FHIT: variants seen among roughly 807,000 people sequenced by gnomAD.
FHIT encodes bis(5'-adenosyl)-triphosphatase.
A neutral mutation model predicts 17.9 loss-of-function variants in FHIT; 19 were observed. The observed-to-expected ratio is 1.06, with a 90% CI of 0.74 to 1.56. The LOEUF (loss-of-function observed/expected upper bound fraction) is 1.56. Among genes scored for constraint, FHIT ranks in the 40% most tolerant of loss-of-function variants. FHIT has a pLI of 0.00. For missense variants in FHIT, 248 were observed against 189.2 expected (o/e 1.31, Z -1.82); for synonymous variants, 81 against 69.7 (o/e 1.16, Z -0.81).
At chr3:60,177,069 A>T (rs1701709631) in intron 5 of FHIT, among the ~76,000 whole-genome samples, 1 of 152,158 alleles carries the variant, frequency 6.6e-6, no homozygotes, top group Admixed American at 6.5e-5. Context: ...GGTGAAAATG[A>T]TGAAAAATCT....
chr3:60,401,943 A>T (rs1701674437), intron 5 of FHIT, among the ~76,000 whole-genome samples: 1 of 152,120 alleles, frequency 6.6e-6, no homozygotes, highest in Non-Finnish European at 1.5e-5. Context: ...CTTTCATTTC[A>T]TGCGTAATTA....
At chr3:60,168,796 G>A (rs543819513) in intron 5 of FHIT, among the ~76,000 whole-genome samples, 3 of 152,138 alleles carry the variant, frequency 2.0e-5, no homozygotes, top group Non-Finnish European at 4.4e-5. Flanking sequence ...GATTATTTTT[G>A]TAACGATTGA....
chr3:59,974,249 T>C (rs1364495697), intron 7 of FHIT, among the ~76,000 whole-genome samples: 1 of 152,062 alleles, frequency 6.6e-6, no homozygotes, highest in Non-Finnish European at 1.5e-5. Context: ...GAAGGAAGAA[T>C]AATAAAAGAA....
intron 4 of FHIT, among the ~76,000 whole-genome samples, chr3:60,571,476 A>C (rs573187960): frequency 6.6e-6 from 1 of 152,170 alleles, no homozygotes; most frequent in East Asian, 1.9e-4. Flanking sequence ...GATTATACAG[A>C]AGTCTTTAGG....
At chr3:61,150,669 T>G (rs1437329671) in intron 2 of FHIT, among the ~76,000 whole-genome samples, 1 of 152,234 alleles carries the variant, frequency 6.6e-6, no homozygotes, top group East Asian at 1.9e-4. Flanking sequence ...TAATTTTCAC[T>G]GAATTTTTCA....
chr3:60,637,532 A>G (rs2107785085), intron 4 of FHIT, among the ~76,000 whole-genome samples: 1 of 152,278 alleles, frequency 6.6e-6, no homozygotes, highest in African/African-American at 2.4e-5. Context: ...ATGAACTGCT[A>G]CCATCACTAC....
intron 5 of FHIT, among the ~76,000 whole-genome samples, chr3:60,515,037 G>A (rs893183264): frequency 2.6e-5 from 4 of 151,822 alleles, no homozygotes; most frequent in Admixed American, 6.6e-5. Flanking sequence ...AGTGACCTCC[G>A]ACAGACAAGG....
chr3:60,618,759 A>C (rs1553676976), intron 4 of FHIT, among the ~76,000 whole-genome samples: 1 of 152,198 alleles, frequency 6.6e-6, no homozygotes, highest in Non-Finnish European at 1.5e-5. Flanking sequence ...AGTGGACCTA[A>C]TATAATGCTA....
At chr3:60,360,086 G>A (rs986888095) in intron 5 of FHIT, among the ~76,000 whole-genome samples, 2 of 150,960 alleles carry the variant, frequency 1.3e-5, no homozygotes, top group Non-Finnish European at 2.9e-5. Context: ...TCCCCATTAG[G>A]TGCATCTACC....
intron 5 of FHIT, among the ~76,000 whole-genome samples, chr3:60,478,039 A>G (rs1170327300): frequency 6.6e-6 from 1 of 152,180 alleles, no homozygotes; most frequent in Non-Finnish European, 1.5e-5. Flanking sequence ...AATTGCAACA[A>G]AAGTACTAAC....
chr3:61,179,008 C>CTTTTTTTTTTTTTTTTTTTTTTT (rs778191387), intron 2 of FHIT, among the ~76,000 whole-genome samples: 1 of 127,628 alleles, frequency 7.8e-6, no homozygotes, highest in African/African-American at 3.1e-5. Flanking sequence ...TTTTCTTTTT[C>CTTTTTTTTTTTTTTTTTTTTTTT]TTTTTTTTTT....
rs149511593 is a variant in FHIT at position 59,791,403 on chromosome 3, C to T, written c.349-39082G>A. Among the ~76,000 whole-genome samples, 335 of 152,280 alleles carry T rather than the reference C, an allele frequency of 2.2e-3. 8 individuals are homozygous for T. In the East Asian group the frequency reaches 0.051, roughly 23 times the overall value. On this transcript the variant is annotated intron_variant, in intron 8 of 9. Transcript: ENST00000492590. The stretch of plus-strand genomic sequence containing the variant: ...CCTCCGGCTGCTGGTGTTCGCATTA[C>T]CTTCCCTGAGGAGAGGTTGCCTGAG...
rs191002523 is a variant in FHIT, at chr3:61,118,115, G to C, written c.-163-76016C>G. 1.5e-3 allele frequency among the ~76,000 whole-genome samples: 222 copies of C among 152,232 alleles called. 1 individual carries two copies. The highest frequency in any genetic ancestry group is 2.3e-3 in the Non-Finnish European group (154 of 68,016). ...TGTTCCAAAGGTCTTTCAAAATAATGTTGTAGTATAATTTGGTTTGAAAGC... is the reference window on the plus strand; with the variant it reads ...TGTTCCAAAGGTCTTTCAAAATAATCTTGTAGTATAATTTGGTTTGAAAGC... On this transcript the variant is annotated intron_variant, in intron 2 of 9. Coordinates refer to ENST00000492590, the MANE Select transcript of FHIT (RefSeq NM_002012.4).
intron 4 of FHIT, among the ~76,000 whole-genome samples, chr3:60,714,097 G>C (rs1262475056): frequency 2.5e-4 from 38 of 152,182 alleles, no homozygotes; most frequent in African/African-American, 8.4e-4. Context: ...GAGCAGGTGG[G>C]CTTCATCCCT....
At chr3:61,093,482 C>G (rs1559975693) in intron 2 of FHIT, among the ~76,000 whole-genome samples, 3 of 151,936 alleles carry the variant, frequency 2.0e-5, no homozygotes, top group Non-Finnish European at 4.4e-5. Flanking sequence ...ATTATCCAAG[C>G]CAAAATGCCA....
intron 8 of FHIT, among the ~76,000 whole-genome samples, chr3:59,806,876 C>A (rs1700226246): frequency 6.6e-6 from 1 of 152,052 alleles, no homozygotes; most frequent in African/African-American, 2.4e-5. Context: ...GTGTAGTCCT[C>A]ATATCAAGAA....
intron 5 of FHIT, among the ~76,000 whole-genome samples, chr3:60,450,943 T>C (rs987857980): frequency 1.3e-5 from 2 of 152,162 alleles, no homozygotes; most frequent in African/African-American, 4.8e-5. Flanking sequence ...AAGTGAGAGA[T>C]ATAAGCAGAT....
At position 59,784,884 on chromosome 3, in the gene FHIT, C is replaced by A. The variant is rs1457313937; in HGVS notation, c.349-32563G>T. Among the ~76,000 whole-genome samples, 3 of 152,150 alleles carry A rather than the reference C, an allele frequency of 2.0e-5. No homozygotes were observed. The East Asian group carries it at 5.8e-4, about 29-fold the overall frequency. On this transcript the variant is annotated intron_variant, in intron 8 of 9. Transcript: ENST00000492590. The stretch of plus-strand genomic sequence containing the variant: ...GTTCTGGCACTACTATAAAGAAATA[C>A]CTGAGACAGGGTAGTTTATAAAGAA...
intron 5 of FHIT, among the ~76,000 whole-genome samples, chr3:60,511,725 T>C (rs760127323): frequency 7.2e-5 from 11 of 152,206 alleles, no homozygotes; most frequent in Non-Finnish European, 1.5e-4. Flanking sequence ...TCTTGGTTTC[T>C]AATTATCTTC....
Sources: allele counts gnomAD v4.1 joint callset (sites outside exome capture counted in the v4.1 genomes callset), GRCh38; gene constraint gnomAD v4.1.1; transcripts MANE v1.5; gene names NCBI Gene and HGNC (gene_info 2026-07-23, HGNC 2026-07-21).